The following SH3GL3 variants were observed in gnomAD, a reference collection of about 807,000 sequenced individuals.
SH3GL3 encodes endophilin-A3.
Under a neutral mutation model 47.7 loss-of-function variants are expected in SH3GL3, and 33 were observed. That is an observed-to-expected ratio of 0.69 (90% CI 0.52 to 0.92). The LOEUF (loss-of-function observed/expected upper bound fraction) is 0.92. Among genes scored for constraint, SH3GL3 ranks in the 40% least tolerant of loss-of-function variants. The probability of loss-of-function intolerance (pLI) is 0.00; values close to 1 mark genes in which losing one functional copy is unlikely to be tolerated. For missense variants in SH3GL3, 363 were observed against 417.8 expected, an observed-to-expected ratio of 0.87 and a Z score of 1.14; for synonymous variants, 155 against 148.8, an observed-to-expected ratio of 1.04 and a Z score of -0.30.
chr15:83,460,689 C>T (rs533664217), intron 1 of SH3GL3, among the ~76,000 whole-genome samples: 113 of 152,144 alleles, frequency 7.4e-4, no homozygotes, highest in Non-Finnish European at 1.4e-3. Flanking sequence ...TATATGTGTG[C>T]GGATGTGTTT....
intron 1 of SH3GL3, among the ~76,000 whole-genome samples, chr15:83,467,984 C>G (rs972679367): frequency 6.6e-6 from 1 of 152,068 alleles, no homozygotes; most frequent in East Asian, 1.9e-4. Flanking sequence ...CCCGCCACCA[C>G]GCCCAGCTAA....
At chr15:83,528,895 A>G (rs1358540387) in intron 1 of SH3GL3, among the ~76,000 whole-genome samples, 1 of 151,900 alleles carries the variant, frequency 6.6e-6, no homozygotes, top group Non-Finnish European at 1.5e-5. Context: ...TTGTGTTTTT[A>G]TGTTGATATC....
intron 8 of SH3GL3, chr15:83,609,458 C>G (rs910545287): frequency 1.3e-4 from 50 of 386,578 alleles, no homozygotes; most frequent in Non-Finnish European, 2.2e-4. Context: ...GACAAAGAGC[C>G]CTACTCAGGT....
At chr15:83,487,571 T>C (rs1240338344) in intron 1 of SH3GL3, among the ~76,000 whole-genome samples, 5 of 152,212 alleles carry the variant, frequency 3.3e-5, no homozygotes, top group Non-Finnish European at 7.3e-5. Context: ...AGGAACGGTT[T>C]CTGTCCTCTT....
intron 6 of SH3GL3, among the ~76,000 whole-genome samples, chr15:83,582,206 G>A (rs1596305671): frequency 6.6e-6 from 1 of 152,186 alleles, no homozygotes; most frequent in Non-Finnish European, 1.5e-5. Context: ...AGTAGCAAAT[G>A]TAGGTCTTTG....
At chr15:83,598,835 T>G (rs2562762) in intron 8 of SH3GL3, among the ~76,000 whole-genome samples, 18,774 of 152,304 alleles carry the variant, frequency 0.12, 1,563 homozygotes, top group Admixed American at 0.24. Flanking sequence ...CTTTTGGATG[T>G]AATAAAATTG....
chr15:83,631,036 A>T, the SH3GL3 span, among the ~76,000 whole-genome samples: 1 of 152,198 alleles, frequency 6.6e-6, no homozygotes, highest in Admixed American at 6.5e-5. Flanking sequence ...GGGTAAATAC[A>T]CCTGTTCCAA....
intron 1 of SH3GL3, among the ~76,000 whole-genome samples, chr15:83,528,567 A>G (rs1261519849): frequency 6.6e-6 from 1 of 152,042 alleles, no homozygotes; most frequent in African/African-American, 2.4e-5. Flanking sequence ...TGGAATTCGT[A>G]TGCTTAATCT....
intron 8 of SH3GL3, among the ~76,000 whole-genome samples, chr15:83,597,849 C>A (rs2033952113): frequency 6.6e-6 from 1 of 152,140 alleles, no homozygotes; most frequent in African/African-American, 2.4e-5. Flanking sequence ...ACCTCGTGAT[C>A]TGCCCAACTC....
At chr15:83,530,419 C>T (rs753760983) in intron 1 of SH3GL3, among the ~76,000 whole-genome samples, 21 of 152,178 alleles carry the variant, frequency 1.4e-4, no homozygotes, top group Admixed American at 7.2e-4. Context: ...CTGAACTGGC[C>T]GCCTTGCTTT....
intron 1 of SH3GL3, among the ~76,000 whole-genome samples, chr15:83,499,568 G>A (rs998892490): frequency 2.0e-5 from 3 of 152,090 alleles, no homozygotes; most frequent in African/African-American, 7.2e-5. Flanking sequence ...AGTTCTCACA[G>A]AGATCCAAAT....
intron 1 of SH3GL3, among the ~76,000 whole-genome samples, chr15:83,473,709 G>A (rs2040952693): frequency 1.3e-5 from 2 of 151,792 alleles, no homozygotes; most frequent in Non-Finnish European, 2.9e-5. Context: ...CACCACGTCC[G>A]GCTAATTTTT....
intron 1 of SH3GL3, among the ~76,000 whole-genome samples, chr15:83,505,053 C>T (rs573844732): frequency 4.2e-4 from 64 of 152,126 alleles, no homozygotes; most frequent in African/African-American, 1.5e-3. Flanking sequence ...TGCATATAGC[C>T]AGCGCTCATT....
intron 1 of SH3GL3, among the ~76,000 whole-genome samples, chr15:83,477,719 ATACT>A (rs2041165284): frequency 6.6e-6 from 1 of 152,208 alleles, no homozygotes; most frequent in Non-Finnish European, 1.5e-5. Flanking sequence ...CCAGACATGC[ATACT>A]TAAAGAAATG....
chr15:83,479,141 T>A (rs2041227123), intron 1 of SH3GL3, among the ~76,000 whole-genome samples: 1 of 152,212 alleles, frequency 6.6e-6, no homozygotes, highest in Admixed American at 6.5e-5. Context: ...AGGTGCGTAT[T>A]TTCAGCCTTC....
intron 1 of SH3GL3, among the ~76,000 whole-genome samples, chr15:83,507,346 T>A (rs1027848789): frequency 6.6e-6 from 1 of 151,786 alleles, no homozygotes; most frequent in African/African-American, 2.4e-5. Flanking sequence ...TTTACTGATA[T>A]CTTTTGTTGG....
At chr15:83,538,152 C>G (rs796320429) in intron 1 of SH3GL3, among the ~76,000 whole-genome samples, 3 of 152,234 alleles carry the variant, frequency 2.0e-5, no homozygotes, top group African/African-American at 7.2e-5. Context: ...TTATTAGACT[C>G]TGTATGGCTT....
At chr15:83,561,760 G>C (rs563773435) in intron 2 of SH3GL3, among the ~76,000 whole-genome samples, 9 of 152,192 alleles carry the variant, frequency 5.9e-5, no homozygotes, top group Non-Finnish European at 8.8e-5. Flanking sequence ...TAAAGAGAAT[G>C]CTGTAAATAA....
intron 1 of SH3GL3, among the ~76,000 whole-genome samples, chr15:83,494,634 C>T (rs553584850): frequency 6.6e-6 from 1 of 151,916 alleles, no homozygotes; most frequent in Non-Finnish European, 1.5e-5. Flanking sequence ...CCTCTGCCTC[C>T]CGGGTTCAAG....
Sources: allele counts gnomAD v4.1 joint callset (sites outside exome capture counted in the v4.1 genomes callset), GRCh38; gene constraint gnomAD v4.1.1; transcripts MANE v1.5; gene names NCBI Gene and HGNC (gene_info 2026-07-23, HGNC 2026-07-21).